TRAPPC9: variants seen among roughly 807,000 people sequenced by gnomAD.
The protein encoded by TRAPPC9 is IKK2 binding protein.
A neutral mutation model predicts 124.0 loss-of-function variants in TRAPPC9; 83 were observed. The observed-to-expected ratio is 0.67, with a 90% CI of 0.56 to 0.80. The LOEUF is 0.80. Among genes scored for constraint, TRAPPC9 ranks in the 30% least tolerant of loss-of-function variants. TRAPPC9 has a pLI of 0.00. For missense variants in TRAPPC9, 1,302 were observed against 1,508.3 expected, an observed-to-expected ratio of 0.86 and a Z score of 2.27; for synonymous variants, 638 against 617.5, an observed-to-expected ratio of 1.03 and a Z score of -0.49.
chr8:140,385,938 A>T (rs1238388337), intron 7 of TRAPPC9, among the ~76,000 whole-genome samples: 1 of 152,266 alleles, frequency 6.6e-6, no homozygotes, highest in Non-Finnish European at 1.5e-5. Flanking sequence ...GGCAAACCGA[A>T]TCCAGCAGCA....
intron 19 of TRAPPC9, among the ~76,000 whole-genome samples, chr8:139,972,221 T>G (rs1836148467): frequency 6.6e-6 from 1 of 152,168 alleles, no homozygotes; most frequent in African/African-American, 2.4e-5. Context: ...CAGGGAGAAT[T>G]GAGCAAAACG....
intron 13 of TRAPPC9, among the ~76,000 whole-genome samples, chr8:140,286,101 C>A (rs1183990063): frequency 6.6e-6 from 1 of 152,196 alleles, no homozygotes; most frequent in Non-Finnish European, 1.5e-5. Flanking sequence ...GAGGAAGGCT[C>A]CCGGAGGAAG....
intron 21 of TRAPPC9, among the ~76,000 whole-genome samples, chr8:139,740,204 C>T (rs942450843): frequency 3.3e-5 from 5 of 152,264 alleles, no homozygotes; most frequent in Non-Finnish European, 5.9e-5. Flanking sequence ...CCGGCCCCCT[C>T]TTCCCTCCTG....
intron 21 of TRAPPC9, among the ~76,000 whole-genome samples, chr8:139,858,372 GCCTC>G (rs1827928767): frequency 6.6e-6 from 1 of 152,224 alleles, no homozygotes; most frequent in Admixed American, 6.5e-5. Flanking sequence ...CCTCCCCGGG[GCCTC>G]CGCCCAGCTG....
intron 7 of TRAPPC9, among the ~76,000 whole-genome samples, chr8:140,380,908 C>G (rs1199373643): frequency 6.6e-6 from 1 of 151,842 alleles, no homozygotes; most frequent in Non-Finnish European, 1.5e-5. Flanking sequence ...AGGACACCAT[C>G]AAGAAAGTGA....
chr8:140,423,579 T>TACACACACACACACACACACAC (rs35333495), intron 5 of TRAPPC9, among the ~76,000 whole-genome samples: 5 of 145,350 alleles, frequency 3.4e-5, no homozygotes, highest in Non-Finnish European at 7.5e-5. Flanking sequence ...AAATGTGGCA[T>TACACACACACACACACACACAC]ACACACACAC....
chr8:140,168,798 T>C (rs2061902435), intron 17 of TRAPPC9, among the ~76,000 whole-genome samples: 2 of 152,216 alleles, frequency 1.3e-5, no homozygotes, highest in South Asian at 4.1e-4. Context: ...AGCTTCATGC[T>C]TTCCCTCCCC....
chr8:140,232,446 T>C (rs1354782240), intron 16 of TRAPPC9, among the ~76,000 whole-genome samples: 1 of 152,104 alleles, frequency 6.6e-6, no homozygotes, highest in Non-Finnish European at 1.5e-5. Flanking sequence ...TCTATTACCC[T>C]AGCCCGGAGC....
chr8:139,808,847 T>C (rs1293275239), intron 21 of TRAPPC9, among the ~76,000 whole-genome samples: 1 of 152,272 alleles, frequency 6.6e-6, no homozygotes, highest in East Asian at 1.9e-4. Flanking sequence ...TACCACATTT[T>C]ATCCATCAGC....
chr8:140,172,914 A>C (rs1405588998), intron 17 of TRAPPC9, among the ~76,000 whole-genome samples: 3 of 152,152 alleles, frequency 2.0e-5, no homozygotes, highest in African/African-American at 4.8e-5. Flanking sequence ...GAGCCACTAC[A>C]CTTGTTGGCT....
At chr8:139,835,375 C>T (rs528552513) in intron 21 of TRAPPC9, among the ~76,000 whole-genome samples, 3 of 152,262 alleles carry the variant, frequency 2.0e-5, no homozygotes, top group South Asian at 2.1e-4. Flanking sequence ...TCCGGGGCTC[C>T]GCTGCTCTGC....
At chr8:140,307,475 G>C (rs192521303) in intron 10 of TRAPPC9, among the ~76,000 whole-genome samples, 1 of 152,108 alleles carries the variant, frequency 6.6e-6, no homozygotes, top group African/African-American at 2.4e-5. Context: ...AGGTCACCTG[G>C]GGGCTACAAA....
chr8:139,784,504 G>C (rs748454094), intron 21 of TRAPPC9, among the ~76,000 whole-genome samples: 4 of 151,538 alleles, frequency 2.6e-5, no homozygotes, highest in African/African-American at 4.9e-5. Context: ...AACCCAGGAG[G>C]CTGAGGTTGC....
chr8:140,439,746 C>A (rs952501759), intron 2 of TRAPPC9, among the ~76,000 whole-genome samples: 1 of 152,200 alleles, frequency 6.6e-6, no homozygotes, highest in Non-Finnish European at 1.5e-5. Flanking sequence ...CTAAATAATG[C>A]AAAGGCTTCT....
chr8:140,171,652 C>A (rs1210135625), intron 17 of TRAPPC9, among the ~76,000 whole-genome samples: 1 of 152,144 alleles, frequency 6.6e-6, no homozygotes, highest in Non-Finnish European at 1.5e-5. Context: ...CTTCCACTCT[C>A]GAGCCCCCAG....
intron 19 of TRAPPC9, chr8:139,932,763 T>A: frequency 3.0e-6 from 1 of 335,106 alleles, no homozygotes; most frequent in Non-Finnish European, 5.9e-6. Flanking sequence ...GACTGTGTCT[T>A]CAAAAAAAAA....
chr8:139,966,584 G>C (rs34841983), intron 19 of TRAPPC9, among the ~76,000 whole-genome samples: 10 of 152,182 alleles, frequency 6.6e-5, no homozygotes, highest in Admixed American at 6.5e-4. Flanking sequence ...CTGTTCCTTA[G>C]GGCTGCAGGT....
At chr8:139,812,037 G>A (rs968509427) in intron 21 of TRAPPC9, among the ~76,000 whole-genome samples, 4 of 152,148 alleles carry the variant, frequency 2.6e-5, no homozygotes, top group Non-Finnish European at 5.9e-5. Flanking sequence ...GAGGACATCA[G>A]GCCACATGGA....
chr8:139,924,265 C>T (rs1430128644), intron 19 of TRAPPC9, among the ~76,000 whole-genome samples: 2 of 152,206 alleles, frequency 1.3e-5, no homozygotes, highest in Non-Finnish European at 2.9e-5. Context: ...GTTTGAAAAG[C>T]CGCAGGCCAA....
Sources: allele counts gnomAD v4.1 joint callset (sites outside exome capture counted in the v4.1 genomes callset), GRCh38; gene constraint gnomAD v4.1.1; transcripts MANE v1.5; gene names NCBI Gene and HGNC (gene_info 2026-07-23, HGNC 2026-07-21).